Variants in NUP188 observed in about 807,000 individuals in gnomAD.
The protein encoded by NUP188 is nucleoporin NUP188.
NUP188 carries 97 observed loss-of-function variants against 223.0 expected under a neutral mutation model. That is an observed-to-expected ratio of 0.43 (90% CI 0.37 to 0.51). The LOEUF is 0.51. Ranked by LOEUF, NUP188 falls within the 20% of genes least tolerant of loss-of-function variation. The pLI is 0.00. For synonymous variants in NUP188, 869 were observed against 828.0 expected, an observed-to-expected ratio of 1.05 and a Z score of -0.85; for missense variants, 1,947 against 2,175.6, an observed-to-expected ratio of 0.89 and a Z score of 2.09.
chr9:128,959,866 A>C (rs1841922562), intron 8 of NUP188, among the ~76,000 whole-genome samples: 1 of 152,012 alleles, frequency 6.6e-6, no homozygotes, highest in Non-Finnish European at 1.5e-5. Flanking sequence ...AAAAGTTTAA[A>C]CATGTCATAT....
intron 1 of NUP188, 111 bp downstream of exon 1, chr9:128,947,862 C>T: frequency 9.4e-7 from 1 of 1,060,616 alleles, no homozygotes; most frequent in Middle Eastern, 2.4e-4. Flanking sequence ...AGGGCCAACC[C>T]CGGCTGGATG....
At chr9:128,956,526 T>C in intron 4 of NUP188, 92 bp downstream of exon 4, 1 of 661,040 alleles carries the variant, frequency 1.5e-6, no homozygotes, top group Non-Finnish European at 2.5e-6. Context: ...CAGTTTCTTT[T>C]TGTTTTGGGG....
intron 15 of NUP188, 32 bp downstream of exon 15, chr9:128,981,422 C>CTT (rs762057377): frequency 3.9e-4 from 550 of 1,394,702 alleles, no homozygotes; most frequent in Admixed American, 6.3e-4. Flanking sequence ...TTTATGACAG[C>CTT]TTTTTTTTTT....
chr9:128,964,388 G>C (rs1390600701), intron 8 of NUP188: 1 of 233,498 alleles, frequency 4.3e-6, no homozygotes, highest in Non-Finnish European at 8.5e-6. Context: ...TTGAGACAAG[G>C]TCTCGGTTTG....
intron 20 of NUP188, among the ~76,000 whole-genome samples, chr9:128,986,108 C>G (rs1458019792): frequency 1.3e-5 from 2 of 152,062 alleles, no homozygotes; most frequent in Admixed American, 1.3e-4. Context: ...TAAAGAGTCC[C>G]CATTTTTAGT....
At chr9:128,985,187 G>A in intron 20 of NUP188, 173 bp downstream of exon 20, 2 of 551,502 alleles carry the variant, frequency 3.6e-6, no homozygotes, top group East Asian at 3.1e-5. Context: ...CCTAGTATGT[G>A]CCAGTTATGT....
chr9:128,954,630 C>T (rs568308958), intron 3 of NUP188, among the ~76,000 whole-genome samples: 7 of 152,074 alleles, frequency 4.6e-5, no homozygotes, highest in East Asian at 3.9e-4. Flanking sequence ...ATGATCCGCC[C>T]GCCTCGGCCT....
chr9:128,988,626 C>T (rs1484722720), intron 24 of NUP188, among the ~76,000 whole-genome samples: 3 of 151,468 alleles, frequency 2.0e-5, no homozygotes, highest in Non-Finnish European at 4.4e-5. Flanking sequence ...GTATACTTAC[C>T]AGTTTAGCAT....
intron 25 of NUP188, among the ~76,000 whole-genome samples, chr9:128,991,162 C>A (rs199500115): frequency 8.1e-6 from 1 of 123,480 alleles, no homozygotes; most frequent in East Asian, 2.3e-4. Flanking sequence ...CTCCAGATTT[C>A]TTTTTTTTTT....
rs1003672053 is a variant in NUP188, at chr9:129,006,775, G to T, written c.*97G>T. 5 of 1,300,340 alleles carry T rather than the reference G, an allele frequency of 3.8e-6. No homozygotes were observed. The African/African-American group carries it at 7.4e-5, about 19-fold the overall frequency. The allele number at this position is 1,300,340 out of a possible 1,614,324, so 80.6% of individuals were successfully genotyped here. A position where few individuals can be genotyped will look rare whatever the true frequency, so the allele number is the denominator to read the frequency against. On this transcript the variant is annotated 3_prime_UTR_variant, in exon 44 of 44. Transcript: ENST00000372577. ...GGCTGCTAGGGCCTATACAATGGAG[G>T]GCACCTCCTGTCACCCCCCTCCCGG...
rs1404973660 is a variant in NUP188, at chr9:128,947,719, G to A, written c.-1G>A. On this transcript the variant is annotated 5_prime_UTR_variant, in exon 1 of 44. Transcript: ENST00000372577. Reference sequence around the variant, plus strand: ...GGGTTAGGGCGAGCGGGCGCGCGAAGATGGCGGCGGCCGCCGGCGGGCCGT... The same window carrying A: ...GGGTTAGGGCGAGCGGGCGCGCGAAAATGGCGGCGGCCGCCGGCGGGCCGT... 1.3e-5 allele frequency: 19 copies of A among 1,473,350 alleles called. No individual in the cohort carries two copies. The highest frequency in any genetic ancestry group is 2.6e-5 in the South Asian group (2 of 76,380). The allele number at this position is 1,473,350 out of a possible 1,614,324, so 91.3% of individuals were successfully genotyped here.
intron 2 of NUP188, among the ~76,000 whole-genome samples, 196 bp downstream of exon 2, chr9:128,949,439 T>C (rs1292213474): frequency 1.3e-5 from 2 of 151,668 alleles, no homozygotes; most frequent in Non-Finnish European, 1.5e-5. Context: ...TTCAAGCGAT[T>C]CTCCTGCCTC....
intron 3 of NUP188, among the ~76,000 whole-genome samples, chr9:128,955,425 G>A (rs185469972): frequency 2.0e-5 from 3 of 152,116 alleles, no homozygotes; most frequent in Non-Finnish European, 4.4e-5. Flanking sequence ...TCCTGCCTTG[G>A]CCTCCCAAAG....
intron 19 of NUP188, 67 bp downstream of exon 19, chr9:128,983,617 C>T (rs754308048): frequency 4.1e-5 from 43 of 1,042,980 alleles, no homozygotes; most frequent in Non-Finnish European, 6.1e-5. Context: ...CAGATCTAGC[C>T]TAGGTTTATT....
At chr9:128,999,543 C>T in intron 33 of NUP188, 81 bp from the exon 34 acceptor site, 1 of 1,439,692 alleles carries the variant, frequency 6.9e-7, no homozygotes, top group Non-Finnish European at 9.6e-7. Flanking sequence ...ATCTCCAGCC[C>T]CTTCCTAGGA....
intron 19 of NUP188, 63 bp downstream of exon 19, chr9:128,983,613 T>C (rs890264289): frequency 9.4e-7 from 1 of 1,061,206 alleles, no homozygotes; most frequent in African/African-American, 1.6e-5. Flanking sequence ...GTCTCAGATC[T>C]AGCCTAGGTT....
intron 38 of NUP188, 125 bp downstream of exon 38, chr9:129,003,579 G>T: frequency 8.7e-7 from 1 of 1,152,722 alleles, no homozygotes; most frequent in Non-Finnish European, 1.3e-6. Flanking sequence ...TTCCCTTGGG[G>T]AGCACAGGGT....
chr9:128,975,542 C>A (rs1030368858), intron 12 of NUP188, among the ~76,000 whole-genome samples: 2 of 150,366 alleles, frequency 1.3e-5, no homozygotes, highest in Non-Finnish European at 3.0e-5. Flanking sequence ...TTCTTTAAGA[C>A]GGAGTCTCGC....
At chr9:128,973,682 C>T (rs889252608) in intron 12 of NUP188, among the ~76,000 whole-genome samples, 3 of 152,090 alleles carry the variant, frequency 2.0e-5, no homozygotes, top group Admixed American at 1.3e-4. Flanking sequence ...TGCACCCGGC[C>T]TTGTCTTCAT....
Sources: gnomAD v4.1 joint callset for allele counts (sites outside exome capture counted in the v4.1 genomes callset) on GRCh38, gnomAD v4.1.1 for gene constraint, MANE v1.5 for transcripts, NCBI Gene and HGNC (gene_info 2026-07-23, HGNC 2026-07-21) for gene names.